Variants in RASAL2 observed in about 807,000 individuals in gnomAD.
RASAL2 encodes the protein ras GTPase-activating protein nGAP.
A neutral mutation model predicts 128.9 loss-of-function variants in RASAL2; 58 were observed. The ratio of observed to expected loss-of-function variants is 0.45; its 90% CI spans 0.36 to 0.56. The LOEUF is 0.56. Among genes scored for constraint, RASAL2 ranks in the 20% least tolerant of loss-of-function variants. RASAL2 has a pLI of 0.00. For missense variants in RASAL2, 1,360 were observed against 1,601.6 expected, an observed-to-expected ratio of 0.85 and a Z score of 2.57; for synonymous variants, 561 against 580.8, an observed-to-expected ratio of 0.97 and a Z score of 0.49.
chr1:178,389,600 G>A (rs1029399172), intron 3 of RASAL2, among the ~76,000 whole-genome samples: 6 of 152,258 alleles, frequency 3.9e-5, no homozygotes, highest in Middle Eastern at 3.4e-3. Context: ...CTTGGCAGCA[G>A]CTTTCAGTCT....
Position 178,283,670 on chromosome 1 carries a change from A to G in RASAL2, c.309A>G (p.Val103=), listed in dbSNP as rs1271326722. The G allele has an allele frequency of 1.2e-6, 2 of 1,613,636 alleles. No individual in the cohort carries two copies. The highest frequency in any genetic ancestry group is 2.2e-5 in the East Asian group (1 of 44,808). ...GCATCCTCACAGACAGCCAGTTGGTATTGCTCAACAAGGAGAAGGAGGTGA... is the reference window on the plus strand; with the variant it reads ...GCATCCTCACAGACAGCCAGTTGGTGTTGCTCAACAAGGAGAAGGAGGTGA... ...KYCILTDSQL[V]LLNKEKEIPV... is the part of the protein sequence containing the mutation. Residue 103 remains valine, a synonymous_variant, in exon 2 of 18, where the codon GTA becomes GTG. Coordinates refer to ENST00000367649, the MANE Select transcript of RASAL2 (RefSeq NM_170692.4).
intron 4 of RASAL2, among the ~76,000 whole-genome samples, chr1:178,397,817 T>C (rs538521657): frequency 2.0e-5 from 3 of 151,698 alleles, no homozygotes; most frequent in Admixed American, 2.0e-4. Context: ...ATCTTGCTTA[T>C]GTTGCCCAGG....
Position 178,456,866 on chromosome 1 carries a change from G to T in RASAL2, c.2357G>T (p.Gly786Val). 5.6e-6 allele frequency: 9 copies of T among 1,614,012 alleles called. No individual in the cohort carries two copies. The highest frequency in any genetic ancestry group is 7.6e-6 in the Non-Finnish European group (9 of 1,180,012). ...SPNVSGSLSSGLQKIFEDPTD... is the reference protein window; with the variant it reads ...SPNVSGSLSSVLQKIFEDPTD... ...AATGTCAGTGGAAGCCTCTCCTCTG[G>T]GCTGCAGAAAATATTTGAAGACCCC... The change falls in exon 13 of 18, where the codon GGG becomes GTG. Residue 786 changes from glycine to valine, a missense_variant. Physicochemically the swap from Gly to Val is moderately radical, Grantham distance 109 (BLOSUM62 -3). Transcript: ENST00000367649.
intron 3 of RASAL2, among the ~76,000 whole-genome samples, chr1:178,307,210 T>C (rs1557891066): frequency 1.3e-5 from 2 of 152,010 alleles, no homozygotes; most frequent in Admixed American, 1.3e-4. Context: ...TGTTCTAGAT[T>C]TTCTTAAGCA....
chr1:178,314,394 T>C (rs1410319065), intron 3 of RASAL2, among the ~76,000 whole-genome samples: 1 of 152,190 alleles, frequency 6.6e-6, no homozygotes, highest in Non-Finnish European at 1.5e-5. Flanking sequence ...AATAATTCTC[T>C]TGCAGCTTTT....
At chr1:178,360,398 C>T (rs930884460) in intron 3 of RASAL2, among the ~76,000 whole-genome samples, 4 of 152,138 alleles carry the variant, frequency 2.6e-5, no homozygotes, top group Non-Finnish European at 5.9e-5. Flanking sequence ...ATGCCTTCTG[C>T]GTGTGTTCCA....
intron 2 of RASAL2, among the ~76,000 whole-genome samples, chr1:178,291,758 C>T (rs775149432): frequency 2.0e-4 from 31 of 152,170 alleles, no homozygotes; most frequent in Non-Finnish European, 1.0e-4. Context: ...GAATGTGGGC[C>T]GGGCACGGCG....
Position 178,114,011 on chromosome 1 carries a change from T to C in RASAL2, c.202+19317T>C, listed in dbSNP as rs536063487. Among the ~76,000 whole-genome samples, 7 of 152,334 alleles carry C rather than the reference T, an allele frequency of 4.6e-5. No individual in the cohort carries two copies. In the East Asian group the frequency reaches 1.2e-3, roughly 25 times the overall value. On this transcript the variant is annotated intron_variant, in intron 1 of 17. Transcript: ENST00000367649. Reference sequence around the variant, plus strand: ...TATAGGCATACAATAATTTTTTACATTTTTTATCTTGTACCCTGCAACCTT... The same window carrying C: ...TATAGGCATACAATAATTTTTTACACTTTTTATCTTGTACCCTGCAACCTT...
chr1:178,394,208 C>CT (rs1673079822), intron 4 of RASAL2, among the ~76,000 whole-genome samples: 1 of 152,242 alleles, frequency 6.6e-6, no homozygotes, highest in Non-Finnish European at 1.5e-5. Flanking sequence ...TTTTGCACAT[C>CT]TGAGTTTTGA....
intron 2 of RASAL2, among the ~76,000 whole-genome samples, chr1:178,286,595 A>C (rs531402377): frequency 1.5e-4 from 23 of 152,186 alleles, no homozygotes; most frequent in Non-Finnish European, 2.2e-4. Context: ...TATTTTTAGT[A>C]GAGATGTGGT....
intron 5 of RASAL2, among the ~76,000 whole-genome samples, chr1:178,426,572 T>A (rs1221801709): frequency 6.6e-6 from 1 of 151,988 alleles, no homozygotes; most frequent in Non-Finnish European, 1.5e-5. Context: ...GGTAAATCAA[T>A]TTATATCATC....
At chr1:178,460,806 TTTTTTA>T (rs1364769811) in intron 14 of RASAL2, among the ~76,000 whole-genome samples, 2 of 152,076 alleles carry the variant, frequency 1.3e-5, no homozygotes, top group African/African-American at 4.8e-5. Context: ...ACATTGTTAG[TTTTTTA>T]TTTTTATTTT....
chr1:178,386,472 T>C (rs1672574949), intron 3 of RASAL2, among the ~76,000 whole-genome samples: 2 of 152,220 alleles, frequency 1.3e-5, no homozygotes, highest in South Asian at 4.1e-4. Context: ...CTTTGTTCAA[T>C]ACATCATTCT....
At chr1:178,457,282 A>C (rs1005830145) in intron 13 of RASAL2, among the ~76,000 whole-genome samples, 1 of 152,234 alleles carries the variant, frequency 6.6e-6, no homozygotes, top group African/African-American at 2.4e-5. Flanking sequence ...GTCGATGCTT[A>C]GACTGTTTTA....
rs536323573 is a variant in RASAL2, at chr1:178,389,177, A to G, written c.458-923A>G. 17 of 613,836 alleles carry G rather than the reference A, an allele frequency of 2.8e-5. No individual in the cohort carries two copies. In the South Asian group the frequency reaches 1.0e-3, roughly 36 times the overall value. 38.0% of individuals were successfully genotyped at this position (613,836 alleles called of 1,614,324 possible). A position where few individuals can be genotyped will look rare whatever the true frequency, so the allele number is the denominator to read the frequency against. ...CTTGTTTTCTAAGATCTGGAAGATA[A>G]CACAGAATACTTTTTTTAGGATGTG... On this transcript the variant is annotated intron_variant, in intron 3 of 17. Coordinates refer to ENST00000367649, the MANE Select transcript of RASAL2 (RefSeq NM_170692.4).
intron 4 of RASAL2, among the ~76,000 whole-genome samples, chr1:178,413,015 CTCTT>C (rs1225894983): frequency 4.0e-5 from 6 of 149,162 alleles, no homozygotes; most frequent in Non-Finnish European, 8.9e-5. Context: ...TCTTTCTTTT[CTCTT>C]TCTTTCCTTC....
At chr1:178,231,005 G>C (rs1345154781) in intron 1 of RASAL2, among the ~76,000 whole-genome samples, 1 of 152,170 alleles carries the variant, frequency 6.6e-6, no homozygotes, top group Non-Finnish European at 1.5e-5. Flanking sequence ...TCATATACCA[G>C]TTAAACTCTG....
chr1:178,271,837 C>T (rs544771791), intron 1 of RASAL2, among the ~76,000 whole-genome samples: 2 of 152,194 alleles, frequency 1.3e-5, no homozygotes, highest in African/African-American at 4.8e-5. Flanking sequence ...TCACTAGCCT[C>T]CTATCTCTGC....
chr1:178,243,672 T>A (rs914241256), intron 1 of RASAL2, among the ~76,000 whole-genome samples: 22 of 151,402 alleles, frequency 1.5e-4, no homozygotes, highest in Non-Finnish European at 2.9e-4. Flanking sequence ...AGGTTTGAGG[T>A]CAGGCCTGGG....
Sources: gnomAD v4.1 joint callset for allele counts (sites outside exome capture counted in the v4.1 genomes callset) on GRCh38, gnomAD v4.1.1 for gene constraint, MANE v1.5 for transcripts, NCBI Gene and HGNC (gene_info 2026-07-23, HGNC 2026-07-21) for gene names.